Variants in MSI2 observed in about 807,000 individuals in gnomAD.
MSI2 encodes the protein musashi RNA binding protein 2, also known as RNA-binding protein Musashi homolog 2.
In MSI2, 17 loss-of-function variants were observed where a neutral mutation model predicts 45.6. The observed-to-expected ratio is 0.37, with a 90% CI of 0.26 to 0.56. The LOEUF (loss-of-function observed/expected upper bound fraction) is 0.56, where lower values mean the gene tolerates loss of function less well. Among genes scored for constraint, MSI2 ranks in the 20% least tolerant of loss-of-function variants. The pLI, the probability that MSI2 is intolerant of heterozygous loss-of-function variation, is 0.77. For missense variants in MSI2, 293 were observed against 444.2 expected (o/e 0.66, Z 3.06); for synonymous variants, 156 against 158.2 (o/e 0.99, Z 0.11).
At chr17:57,614,982 G>A (rs1907538552) in intron 8 of MSI2, among the ~76,000 whole-genome samples, 1 of 152,164 alleles carries the variant, frequency 6.6e-6, no homozygotes, top group African/African-American at 2.4e-5. Context: ...AACAGAATCA[G>A]TGTTTAATCT....
At chr17:57,432,006 C>G (rs1202183943) in intron 6 of MSI2, among the ~76,000 whole-genome samples, 4 of 152,182 alleles carry the variant, frequency 2.6e-5, no homozygotes, top group African/African-American at 9.7e-5. Flanking sequence ...AAATGTGTTC[C>G]CAGTAATCTG....
At chr17:57,496,621 C>T (rs904171386) in intron 6 of MSI2, among the ~76,000 whole-genome samples, 5 of 152,226 alleles carry the variant, frequency 3.3e-5, no homozygotes, top group Admixed American at 6.5e-5. Flanking sequence ...CCCGTGTGCT[C>T]CGGGAGGACA....
chr17:57,401,570 T>G (rs1388694549), intron 6 of MSI2, 99 bp downstream of exon 6: 1 of 859,112 alleles, frequency 1.2e-6, no homozygotes, highest in East Asian at 2.5e-5. Context: ...AGCTGTGTCC[T>G]CAAGAACCTT....
chr17:57,592,637 G>C (rs1904943303), intron 7 of MSI2, among the ~76,000 whole-genome samples: 1 of 152,138 alleles, frequency 6.6e-6, no homozygotes, highest in African/African-American at 2.4e-5. Context: ...TTGAAATCCG[G>C]GCTATCTCCT....
intron 11 of MSI2, among the ~76,000 whole-genome samples, chr17:57,667,123 G>A (rs1326341829): frequency 2.0e-5 from 3 of 152,140 alleles, no homozygotes; most frequent in Non-Finnish European, 4.4e-5. Flanking sequence ...GTGGCATCTC[G>A]CCTCCCCAGG....
At chr17:57,341,805 G>T (rs1915187454) in intron 5 of MSI2, among the ~76,000 whole-genome samples, 2 of 152,180 alleles carry the variant, frequency 1.3e-5, no homozygotes, top group Admixed American at 1.3e-4. Context: ...CTTTATGTCA[G>T]CACAGAGTAC....
intron 6 of MSI2, among the ~76,000 whole-genome samples, chr17:57,491,497 A>G (rs2085871083): frequency 1.3e-5 from 2 of 152,238 alleles, no homozygotes; most frequent in Admixed American, 6.5e-5. Context: ...GGCTGATAAT[A>G]GAGACCTCGG....
intron 6 of MSI2, among the ~76,000 whole-genome samples, chr17:57,505,555 G>A (rs776092251): frequency 6.6e-6 from 1 of 152,150 alleles, no homozygotes; most frequent in East Asian, 1.9e-4. Context: ...ACATATGCAG[G>A]TATTCCTTGC....
chr17:57,544,843 G>A (rs537082030), intron 7 of MSI2, among the ~76,000 whole-genome samples: 1 of 152,258 alleles, frequency 6.6e-6, no homozygotes, highest in Admixed American at 6.5e-5. Flanking sequence ...CCCTTTCAAA[G>A]GATGCTTAAA....
At chr17:57,610,148 T>G (rs1907091858) in intron 8 of MSI2, among the ~76,000 whole-genome samples, 1 of 151,928 alleles carries the variant, frequency 6.6e-6, no homozygotes, top group Non-Finnish European at 1.5e-5. Flanking sequence ...ACCAACTTAC[T>G]CTCAAATGGA....
At chr17:57,579,810 T>C (rs1160868633) in intron 7 of MSI2, among the ~76,000 whole-genome samples, 1 of 152,210 alleles carries the variant, frequency 6.6e-6, no homozygotes, top group African/African-American at 2.4e-5. Flanking sequence ...TTAAATCCTC[T>C]ATAACCCTAT....
chr17:57,507,273 GTGTGTGTC>G (rs1311127449), intron 6 of MSI2, among the ~76,000 whole-genome samples: 5 of 134,268 alleles, frequency 3.7e-5, no homozygotes, highest in African/African-American at 1.4e-4. Flanking sequence ...GTGTGTGTGT[GTGTGTGTC>G]TCCCCCACCC....
rs1047733942 is a variant in MSI2, at chr17:57,622,586, G to A, written c.653-4643G>A. Among the ~76,000 whole-genome samples, 11 of 151,996 alleles carry A rather than the reference G, an allele frequency of 7.2e-5. No individual in the cohort carries two copies. The East Asian group carries it at 1.5e-3, about 21-fold the overall frequency. The stretch of plus-strand genomic sequence containing the variant: ...GCCAAAAGCATTCTTAGGTGCAGTC[G>A]TACTGAGAAGCCCCGCGTGAAGTCC... On this transcript the variant is annotated intron_variant, in intron 9 of 13. Transcript: ENST00000284073.
rs914093883 is a variant in MSI2, at chr17:57,280,463, A to G, written c.312+18271A>G. On this transcript the variant is annotated intron_variant, in intron 5 of 13. Coordinates refer to ENST00000284073, the MANE Select transcript of MSI2 (RefSeq NM_138962.4). The surrounding 1 kb of genome is among the most constrained non-coding windows in gnomAD (Gnocchi z 4.2). The stretch of plus-strand genomic sequence containing the variant: ...AGTGGATGGATTTGAGATGCATCTG[A>G]GAATTGGAGCAGCAGCTTGGTGGTT... 2.6e-5 allele frequency among the ~76,000 whole-genome samples: 4 copies of G among 152,148 alleles called. No homozygotes were observed. The highest frequency in any genetic ancestry group is 4.8e-5 in the African/African-American group (2 of 41,416).
chr17:57,552,895 C>G lies in MSI2; in HGVS notation c.454+23171C>G, dbSNP rs2087339457. Reference sequence around the variant, plus strand: ...CCCTAGAATTCACAGAGTGGAAGAACCAAGCTTTTTAGGGCTGATGTGGCG... The same window carrying G: ...CCCTAGAATTCACAGAGTGGAAGAAGCAAGCTTTTTAGGGCTGATGTGGCG... On this transcript the variant is annotated intron_variant, in intron 7 of 13. Transcript: ENST00000284073. The surrounding 1 kb of genome is among the most constrained non-coding windows in gnomAD (Gnocchi z 4.3). 6.6e-6 allele frequency among the ~76,000 whole-genome samples: 1 copy of G among 152,136 alleles called. No homozygotes were observed. The highest frequency in any genetic ancestry group is 2.4e-5 in the African/African-American group (1 of 41,412).
At chr17:57,380,341 G>T (rs1358373823) in intron 5 of MSI2, among the ~76,000 whole-genome samples, 1 of 152,186 alleles carries the variant, frequency 6.6e-6, no homozygotes, top group Admixed American at 6.5e-5. Context: ...GGGCGGCCTG[G>T]GCAGGACCGT....
intron 7 of MSI2, among the ~76,000 whole-genome samples, chr17:57,543,829 A>G (rs922520055): frequency 6.6e-6 from 1 of 152,236 alleles, no homozygotes; most frequent in African/African-American, 2.4e-5. Context: ...ATGTGTATCA[A>G]CAATACCTAA....
At chr17:57,350,347 C>T (rs1226045423) in intron 5 of MSI2, among the ~76,000 whole-genome samples, 1 of 151,748 alleles carries the variant, frequency 6.6e-6, no homozygotes, top group Non-Finnish European at 1.5e-5. Flanking sequence ...CTGGAATAGC[C>T]GTTGTAGGGA....
Position 57,539,896 on chromosome 17 carries a change from C to T in MSI2, c.454+10172C>T, listed in dbSNP as rs79654576. On this transcript the variant is annotated intron_variant, in intron 7 of 13. Coordinates refer to ENST00000284073, the MANE Select transcript of MSI2 (RefSeq NM_138962.4). ...TCTACCCCAAGTTATGACTAGTAAACACGTGGGGACCTTACACAGCGTGGC... is the reference window on the plus strand; with the variant it reads ...TCTACCCCAAGTTATGACTAGTAAATACGTGGGGACCTTACACAGCGTGGC... 1.4e-3 allele frequency among the ~76,000 whole-genome samples: 211 copies of T among 152,266 alleles called. 1 individual carries two copies. Among genetic ancestry groups the T allele is most frequent in the African/African-American group, 4.4e-3 (184 of 41,550 alleles).
Sources: allele counts gnomAD v4.1 joint callset (sites outside exome capture counted in the v4.1 genomes callset), GRCh38; gene constraint gnomAD v4.1.1; non-coding constraint Gnocchi (gnomAD v3.1); transcripts MANE v1.5; gene names NCBI Gene and HGNC (gene_info 2026-07-23, HGNC 2026-07-21).